SLC6A14: variants seen among roughly 807,000 people sequenced by gnomAD.
The protein encoded by SLC6A14 is solute carrier family 6 member 14, also known as sodium- and chloride-dependent neutral and basic amino acid transporter B(0+).
A neutral mutation model predicts 51.4 loss-of-function variants in SLC6A14; 21 were observed. That is an observed-to-expected ratio of 0.41 (90% CI 0.29 to 0.59). The LOEUF (loss-of-function observed/expected upper bound fraction) is 0.59. Among genes scored for constraint, SLC6A14 ranks in the 20% least tolerant of loss-of-function variants. SLC6A14 has a pLI of 0.31. For synonymous variants in SLC6A14, 177 were observed against 160.7 expected (o/e 1.10, Z -0.77); for missense variants, 371 against 472.8 (o/e 0.78, Z 2.00).
rs181082534 is a variant in SLC6A14 at position 116,456,110 on chromosome X, A to G, written c.1614+644A>G. On this transcript the variant is annotated intron_variant, in intron 12 of 13. Coordinates refer to ENST00000598581, the MANE Select transcript of SLC6A14 (RefSeq NM_007231.5). The stretch of plus-strand genomic sequence containing the variant: ...ACTTAAAATGTTCAAATAACATTTC[A>G]GGACAGTAAATGGCTGAGCACCAAA... 3.0e-3 allele frequency among the ~76,000 whole-genome samples: 333 copies of G among 111,348 alleles called. 1 individual carries two copies. The highest frequency in any genetic ancestry group is 0.01 in the African/African-American group (314 of 30,838).
At chrX:116,442,555 G>A (rs1033467917) in intron 3 of SLC6A14, 132 bp from the exon 4 acceptor site, 30 of 491,435 alleles carry the variant, frequency 6.1e-5, no homozygotes, top group Non-Finnish European at 7.8e-5. Context: ...ATGAGCCACC[G>A]CACCCTGCCT....
intron 5 of SLC6A14, among the ~76,000 whole-genome samples, chrX:116,444,552 A>T: frequency 8.9e-6 from 1 of 112,208 alleles, no homozygotes; most frequent in Non-Finnish European, 1.9e-5. Flanking sequence ...TGTTTTCCTC[A>T]TTATTTTAAC....
intron 8 of SLC6A14, among the ~76,000 whole-genome samples, chrX:116,452,370 A>C (rs1927841042): frequency 9.0e-6 from 1 of 111,314 alleles, no homozygotes; most frequent in African/African-American, 3.3e-5. Flanking sequence ...GCCTAGACTA[A>C]AAGCTAATTT....
chrX:116,436,749 GAGA>G lies in SLC6A14; in HGVS notation c.43_45del (p.Lys15del). 1.7e-6 allele frequency: 2 copies of G among 1,165,847 alleles called. No homozygotes were observed. The highest frequency in any genetic ancestry group is 2.3e-4 in the Middle Eastern group (1 of 4,293). ...ATGCCCGAGTTTCTTCAAGTGCAGG[GAGA>G]AGGAGGTAGGGGTCTGGGAGCTGCG... On this transcript the variant is annotated inframe_deletion, in exon 1 of 14. Transcript: ENST00000598581.
At chrX:116,454,925 A>C in intron 10 of SLC6A14, 52 bp from the exon 11 acceptor site, 1 of 869,203 alleles carries the variant, frequency 1.2e-6, no homozygotes, top group Non-Finnish European at 1.7e-6. Flanking sequence ...TATCCCATCA[A>C]TCATAAAAAC....
intron 12 of SLC6A14, among the ~76,000 whole-genome samples, chrX:116,457,002 GT>G (rs1395852901): frequency 2.7e-5 from 3 of 111,481 alleles, no homozygotes; most frequent in Non-Finnish European, 5.7e-5. Flanking sequence ...TTTTTTGTTT[GT>G]TTTTTGTTTT....
rs1302148402 is a variant in SLC6A14 at position 116,453,013 on chromosome X, G to A, written c.1160-4G>A. 7 of 1,170,148 alleles carry A rather than the reference G, an allele frequency of 6.0e-6. No homozygotes were observed. The highest frequency in any genetic ancestry group is 6.9e-6 in the Non-Finnish European group (6 of 871,934). On this transcript the variant is annotated splice_region_variant and splice_polypyrimidine_tract_variant and intron_variant, in intron 8 of 13. Coordinates refer to ENST00000598581, the MANE Select transcript of SLC6A14 (RefSeq NM_007231.5). ...TAATTTATAATATCATACATGTTTC[G>A]TAGGTTTTGATTTGGCATTCATTGC...
intron 7 of SLC6A14, among the ~76,000 whole-genome samples, chrX:116,448,706 C>T (rs1240937821): frequency 9.0e-6 from 1 of 111,338 alleles, no homozygotes; most frequent in Non-Finnish European, 1.9e-5. Context: ...GTTAAAAATC[C>T]CCTTTGATAT....
Position 116,451,477 on chromosome X carries a change from C to T in SLC6A14, c.966C>T (p.Ser322=). The change falls in exon 8 of 14, where the codon TCC becomes TCT. Residue 322 remains serine, a synonymous_variant. Coordinates refer to ENST00000598581, the MANE Select transcript of SLC6A14 (RefSeq NM_007231.5). ...ATGCTGCCACTCAGATATTTTACTC[C>T]CTTTCAGTGGCTTGGGGTGGCTTAG... is the stretch of plus-strand genomic sequence containing the variant. ...WKDAATQIFY[S]LSVAWGGLVA... 8.3e-7 allele frequency: 1 copy of T among 1,207,585 alleles called. No individual in the cohort carries two copies. The highest frequency in any genetic ancestry group is 2.3e-4 in the Middle Eastern group (1 of 4,291).
intron 3 of SLC6A14, among the ~76,000 whole-genome samples, chrX:116,442,300 C>G (rs1927614445): frequency 8.9e-6 from 1 of 112,159 alleles, no homozygotes; most frequent in Non-Finnish European, 1.9e-5. Flanking sequence ...GAGTCTCACT[C>G]TGATGCCCAG....
At chrX:116,454,520 T>G in intron 10 of SLC6A14, 78 bp downstream of exon 10, 1 of 604,015 alleles carries the variant, frequency 1.7e-6, no homozygotes, top group South Asian at 2.9e-5. Flanking sequence ...AACCAAAGCT[T>G]AAGAGGATGC....
chrX:116,443,333 A>T (rs1927637433), intron 4 of SLC6A14, among the ~76,000 whole-genome samples: 2 of 111,728 alleles, frequency 1.8e-5, no homozygotes, highest in African/African-American at 6.5e-5. Flanking sequence ...TGGATAGGTA[A>T]ATCCACATAC....
Position 116,442,823 on chromosome X carries a change from T to C in SLC6A14, c.483T>C (p.Asp161=). ...GGAAAAATTGTTCTTCGTGGTCAGA[T>C]AAAAACTGTAGCAGATCACCAATAG... The part of the protein sequence containing the change: ...LPWKNCSSWS[D]KNCSRSPIVT... The change falls in exon 4 of 14, where the codon GAT becomes GAC. Residue 161 remains aspartate, a synonymous_variant. Coordinates refer to ENST00000598581, the MANE Select transcript of SLC6A14 (RefSeq NM_007231.5). 8.4e-7 allele frequency: 1 copy of C among 1,187,691 alleles called. No homozygotes were observed. Among genetic ancestry groups the C allele is most frequent in the Non-Finnish European group, 1.1e-6 (1 of 887,491 alleles).
chrX:116,453,672 C>T (rs1927868002), intron 9 of SLC6A14, among the ~76,000 whole-genome samples: 1 of 110,905 alleles, frequency 9.0e-6, no homozygotes, highest in South Asian at 3.7e-4. Flanking sequence ...GAATGATATA[C>T]AATTTTTTAA....
At chrX:116,449,010 C>A (rs2147388596) in intron 7 of SLC6A14, among the ~76,000 whole-genome samples, 1 of 111,249 alleles carries the variant, frequency 9.0e-6, no homozygotes, top group African/African-American at 3.3e-5. Flanking sequence ...AACATGGAAT[C>A]ATAATCAGGT....
At chrX:116,440,901 G>T in intron 2 of SLC6A14, 65 bp from the exon 3 acceptor site, 1 of 1,136,065 alleles carries the variant, frequency 8.8e-7, no homozygotes, top group Non-Finnish European at 1.2e-6. Context: ...TGTTATGCTG[G>T]TTGTCAAAGT....
Position 116,448,612 on chromosome X carries a change from T to C in SLC6A14, c.930+1731T>C, listed in dbSNP as rs1344891664. ...GTACAATTATTTCAATTATTTGTTA[T>C]ATTATACTATCTTGCTAGAGTTGCA... On this transcript the variant is annotated intron_variant, in intron 7 of 13. Transcript: ENST00000598581. 2.7e-5 allele frequency among the ~76,000 whole-genome samples: 3 copies of C among 112,171 alleles called. No homozygotes were observed. The Admixed American group carries it at 2.8e-4, about 11-fold the overall frequency.
chrX:116,455,490 T>A, intron 12 of SLC6A14, 24 bp downstream of exon 12: 1 of 939,507 alleles, frequency 1.1e-6, no homozygotes, highest in Non-Finnish European at 1.5e-6. Flanking sequence ...CACCATGAAC[T>A]TGATTTCGAT....
rs1242323829 is a variant in SLC6A14, at chrX:116,436,729, C to G, written c.20C>G (p.Pro7Arg). The change falls in exon 1 of 14, where the codon CCG (proline) becomes CGG (arginine). Residue 7 changes from proline (P) to arginine (R), a missense_variant. Pro to Arg is a moderately radical substitution (Grantham distance 103, BLOSUM62 -2). Around this residue, in one of 2 missense-constraint regions of SLC6A14, gnomAD observed 277 missense variants for 391.8 expected, o/e 0.71. Coordinates refer to ENST00000598581, the MANE Select transcript of SLC6A14 (RefSeq NM_007231.5). MDKLKC[P>R]SFFKCREKEK... ...TGAACCATGGACAAGTTGAAATGCCCGAGTTTCTTCAAGTGCAGGGAGAAG... is the reference window on the plus strand; with the variant it reads ...TGAACCATGGACAAGTTGAAATGCCGGAGTTTCTTCAAGTGCAGGGAGAAG... 1.7e-6 allele frequency: 2 copies of G among 1,165,034 alleles called. No homozygotes were observed. The highest frequency in any genetic ancestry group is 5.2e-5 in the Admixed American group (2 of 38,575).
Sources: gnomAD v4.1 joint callset for allele counts (sites outside exome capture counted in the v4.1 genomes callset) on GRCh38, gnomAD v4.1.1 for gene constraint, gnomAD v4.1.1 regional missense constraint, MANE v1.5 for transcripts, NCBI Gene and HGNC (gene_info 2026-07-23, HGNC 2026-07-21) for gene names.